SERPINE2: variants seen among roughly 807,000 people sequenced by gnomAD.
SERPINE2 encodes the protein serpin family E member 2, also known as glia-derived nexin.
In SERPINE2, 14 loss-of-function variants were observed where a neutral mutation model predicts 36.3. The observed-to-expected ratio is 0.39, with a 90% CI of 0.25 to 0.60. The LOEUF (loss-of-function observed/expected upper bound fraction) is 0.60. Among genes scored for constraint, SERPINE2 ranks in the 20% least tolerant of loss-of-function variants. The probability of loss-of-function intolerance (pLI) is 0.57; values close to 1 mark genes in which losing one functional copy is unlikely to be tolerated. For synonymous variants in SERPINE2, 192 were observed against 191.8 expected, an observed-to-expected ratio of 1.00 and a Z score of -0.01; for missense variants, 418 against 499.6, an observed-to-expected ratio of 0.84 and a Z score of 1.56.
Position 223,991,693 on chromosome 2 carries a change from GT to G in SERPINE2, c.685+109del, listed in dbSNP as rs1321433470. 6.9e-6 allele frequency: 8 copies of G among 1,163,032 alleles called. No individual in the cohort carries two copies. The East Asian group carries it at 1.8e-4, about 26-fold the overall frequency. The allele number at this position is 1,163,032 out of a possible 1,614,324, so 72.0% of individuals were successfully genotyped here. A position where few individuals can be genotyped will look rare whatever the true frequency, so the allele number is the denominator to read the frequency against. On this transcript the variant is annotated intron_variant, in intron 4 of 8. Coordinates refer to ENST00000409304, the MANE Select transcript of SERPINE2 (RefSeq NM_001136528.2). ...TCTCAGCACCCTGCTCTGTTCCCCA[GT>G]TTTTTAAAAGATGAAAAGTTAGATT...
chr2:224,010,993 G>A lies in SERPINE2; in HGVS notation c.-22-9071C>T, dbSNP rs541622577. Among the ~76,000 whole-genome samples the A allele has an allele frequency of 9.1e-4, 139 of 152,118 alleles. 2 individuals are homozygous for A. The highest frequency in any genetic ancestry group is 9.3e-4 in the Non-Finnish European group (63 of 68,034). ...AAATAAATTAAGACAATGCTGGTGC[G>A]TTTTGCCGTCTCTGTAAGAGAACTG... On this transcript the variant is annotated intron_variant, in intron 1 of 8. Transcript: ENST00000409304.
intron 1 of SERPINE2, chr2:224,010,341 A>T: frequency 3.0e-6 from 3 of 985,124 alleles, no homozygotes; most frequent in Non-Finnish European, 3.6e-6. Flanking sequence ...TTTAGGAAAT[A>T]CCTTTTCAGC....
chr2:223,990,318 C>T (rs905135717), intron 4 of SERPINE2, among the ~76,000 whole-genome samples: 1 of 152,154 alleles, frequency 6.6e-6, no homozygotes. Context: ...TGTATTTGTG[C>T]ATTATTTTCT....
chr2:224,036,448 A>G (rs1355169462), intron 1 of SERPINE2, among the ~76,000 whole-genome samples: 4 of 137,654 alleles, frequency 2.9e-5, no homozygotes, highest in Non-Finnish European at 6.1e-5. Flanking sequence ...ACAGGGACAC[A>G]GGGAGGGAAA....
intron 4 of SERPINE2, among the ~76,000 whole-genome samples, chr2:223,990,536 G>T (rs181491362): frequency 4.0e-5 from 6 of 151,560 alleles, no homozygotes; most frequent in African/African-American, 1.5e-4. Flanking sequence ...TTCAGCAAGA[G>T]AAACATACAG....
chr2:224,013,190 G>A (rs554904754), intron 1 of SERPINE2, among the ~76,000 whole-genome samples: 8 of 152,100 alleles, frequency 5.3e-5, no homozygotes, highest in Admixed American at 2.0e-4. Flanking sequence ...CTTTCTCCCC[G>A]GCTCACTGAA....
chr2:224,031,325 G>T (rs1692357411), intron 1 of SERPINE2: 13 of 985,244 alleles, frequency 1.3e-5, no homozygotes, highest in African/African-American at 1.7e-5. Context: ...CCAACTACAT[G>T]AGTGGGAATG....
In SERPINE2 at chr2:224,031,336, A is replaced by G. The variant is rs1008864810; in HGVS notation, c.-23+7763T>C. 7.1e-6 allele frequency: 7 copies of G among 985,288 alleles called. No homozygotes were observed. The African/African-American group carries it at 1.2e-4, about 17-fold the overall frequency. 61.0% of individuals were successfully genotyped at this position (985,288 alleles called of 1,614,324 possible). On this transcript the variant is annotated intron_variant, in intron 1 of 8. Transcript: ENST00000409304. ...CTTCCCAACTACATGAGTGGGAATGATATCAGCATCTAGCTGAGAGGCAGG... is the reference window on the plus strand; with the variant it reads ...CTTCCCAACTACATGAGTGGGAATGGTATCAGCATCTAGCTGAGAGGCAGG...
chr2:223,982,082 G>C (rs1690244993), intron 6 of SERPINE2: 1 of 152,150 alleles, frequency 6.6e-6, no homozygotes, highest in African/African-American at 2.4e-5. Context: ...TGAAGGTCAA[G>C]AGCAATGACT....
At chr2:223,986,758 G>T (rs927187680) in intron 4 of SERPINE2, among the ~76,000 whole-genome samples, 1 of 152,148 alleles carries the variant, frequency 6.6e-6, no homozygotes, top group Admixed American at 6.5e-5. Flanking sequence ...AGCTTCACCA[G>T]TTAATCCATC....
chr2:223,977,665 A>G (rs1270994185), intron 7 of SERPINE2, 38 bp from the exon 8 acceptor site: 1 of 1,400,346 alleles, frequency 7.1e-7, no homozygotes. Flanking sequence ...TGCACATTAC[A>G]TGAGACCATG....
rs1157194374 is a variant in SERPINE2, at chr2:224,001,838, G to A, written c.63C>T (p.His21=). The change falls in exon 2 of 9, where the codon CAC becomes CAT. Residue 21 remains histidine (H), a synonymous_variant. Coordinates refer to ENST00000409304, the MANE Select transcript of SERPINE2 (RefSeq NM_001136528.2). ...ASVTLPSICS[H]FNPLSLEELG... ...GTTCCTCGAGAGACAGAGGATTGAAGTGGGAGCAGATGGAAGGCAGCGTCA... is the reference window on the plus strand; with the variant it reads ...GTTCCTCGAGAGACAGAGGATTGAAATGGGAGCAGATGGAAGGCAGCGTCA... The A allele has an allele frequency of 1.9e-6, 3 of 1,614,078 alleles. No homozygotes were observed. The highest frequency in any genetic ancestry group is 2.5e-6 in the Non-Finnish European group (3 of 1,180,046).
chr2:224,026,967 A>G (rs767357648), intron 1 of SERPINE2, among the ~76,000 whole-genome samples: 5 of 152,220 alleles, frequency 3.3e-5, no homozygotes, highest in Non-Finnish European at 7.3e-5. Context: ...AAATCAATAA[A>G]TACCAATTCT....
chr2:223,976,132 C>G (rs1451925845), intron 8 of SERPINE2, among the ~76,000 whole-genome samples: 3 of 151,886 alleles, frequency 2.0e-5, no homozygotes, highest in Non-Finnish European at 4.4e-5. Flanking sequence ...GCTAGTGTGA[C>G]TTAGAAGTTG....
intron 1 of SERPINE2, among the ~76,000 whole-genome samples, chr2:224,032,521 C>G (rs1692413528): frequency 1.3e-5 from 2 of 152,304 alleles, no homozygotes; most frequent in South Asian, 4.1e-4. Flanking sequence ...TTTACAAAAA[C>G]AAAGTGCATT....
rs143570248 is a variant in SERPINE2, at chr2:223,987,481, C to T, written c.686-2531G>A. 4.7e-4 allele frequency among the ~76,000 whole-genome samples: 72 copies of T among 152,298 alleles called. 1 individual carries two copies. In the East Asian group the frequency reaches 9.6e-3, roughly 20 times the overall value. ...GCTTTTCCCTTTAAAATCCCCTACC[C>T]GATGCTCTCTATTCTTTAACCTCTG... On this transcript the variant is annotated intron_variant, in intron 4 of 8. Transcript: ENST00000409304.
chr2:224,014,612 C>T (rs1331816373), intron 1 of SERPINE2, among the ~76,000 whole-genome samples: 5 of 152,130 alleles, frequency 3.3e-5, no homozygotes, highest in African/African-American at 4.8e-5. Flanking sequence ...GCACTACTGA[C>T]ATAACTCTTC....
chr2:224,019,311 T>C (rs899141697), intron 1 of SERPINE2, among the ~76,000 whole-genome samples: 1 of 152,228 alleles, frequency 6.6e-6, no homozygotes, highest in African/African-American at 2.4e-5. Context: ...TAAAAGTTAT[T>C]GGAATGTGAT....
At chr2:224,022,883 T>C (rs1194916539) in intron 1 of SERPINE2, among the ~76,000 whole-genome samples, 1 of 152,160 alleles carries the variant, frequency 6.6e-6, no homozygotes, top group Non-Finnish European at 1.5e-5. Context: ...ATTCTCATGA[T>C]AATGAGTGAA....
Sources: gnomAD v4.1 joint callset for allele counts (sites outside exome capture counted in the v4.1 genomes callset) on GRCh38, gnomAD v4.1.1 for gene constraint, MANE v1.5 for transcripts, NCBI Gene and HGNC (gene_info 2026-07-23, HGNC 2026-07-21) for gene names.